Variants in CCDC178 observed in about 807,000 individuals in gnomAD.
The protein encoded by CCDC178 is coiled-coil domain containing 178.
A neutral mutation model predicts 117.4 loss-of-function variants in CCDC178; 126 were observed. The ratio of observed to expected loss-of-function variants is 1.07; its 90% CI spans 0.93 to 1.24. CCDC178 has a LOEUF of 1.24. Among genes scored for constraint, CCDC178 ranks in the 50% most tolerant of loss-of-function variants. The pLI, the probability that CCDC178 is intolerant of heterozygous loss-of-function variation, is 0.00. For missense variants in CCDC178, 1,030 were observed against 986.9 expected, an observed-to-expected ratio of 1.04 and a Z score of -0.59; for synonymous variants, 283 against 313.4, an observed-to-expected ratio of 0.90 and a Z score of 1.02.
intron 20 of CCDC178, among the ~76,000 whole-genome samples, chr18:33,101,324 A>G (rs923808688): frequency 1.3e-4 from 20 of 151,584 alleles, no homozygotes; most frequent in Non-Finnish European, 2.9e-4. Flanking sequence ...TCACGGCATC[A>G]TGTGAAAGGC....
At chr18:33,368,298 A>T (rs2063245039) in intron 6 of CCDC178, among the ~76,000 whole-genome samples, 1 of 151,974 alleles carries the variant, frequency 6.6e-6, no homozygotes, top group Admixed American at 6.6e-5. Flanking sequence ...GGTGCCTCAG[A>T]TGTATGCAGA....
At chr18:33,266,615 G>A (rs1305964906) in intron 14 of CCDC178, among the ~76,000 whole-genome samples, 3 of 144,610 alleles carry the variant, frequency 2.1e-5, no homozygotes, top group Admixed American at 7.0e-5. Context: ...CACAGGAAGG[G>A]GAACATCACA....
At chr18:32,956,856 T>G (rs1373222714) in intron 22 of CCDC178, 1 of 152,184 alleles carries the variant, frequency 6.6e-6, no homozygotes, top group Non-Finnish European at 1.5e-5. Context: ...AGAACTGTTT[T>G]TTCCATCTGA....
chr18:32,963,773 CT>C (rs892268590), intron 22 of CCDC178, among the ~76,000 whole-genome samples: 2 of 152,012 alleles, frequency 1.3e-5, no homozygotes, highest in African/African-American at 4.8e-5. Flanking sequence ...TGTCTACCTC[CT>C]CTATGAGATT....
chr18:33,117,118 G>A (rs2057868275), intron 20 of CCDC178, among the ~76,000 whole-genome samples: 1 of 152,096 alleles, frequency 6.6e-6, no homozygotes, highest in African/African-American at 2.4e-5. Flanking sequence ...GTCTGGGGAA[G>A]ACAAATATGT....
chr18:32,970,204 C>A (rs972161822), intron 22 of CCDC178, among the ~76,000 whole-genome samples: 4 of 151,884 alleles, frequency 2.6e-5, no homozygotes, highest in African/African-American at 9.7e-5. Context: ...TCTGCTTGAT[C>A]ATGTAATTCA....
At chr18:33,116,166 C>G in intron 20 of CCDC178, among the ~76,000 whole-genome samples, 1 of 152,014 alleles carries the variant, frequency 6.6e-6, no homozygotes, top group East Asian at 1.9e-4. Context: ...TGAGCTACTA[C>G]AGAGGGGGCT....
intron 12 of CCDC178, among the ~76,000 whole-genome samples, chr18:33,279,525 T>G (rs544326738): frequency 6.6e-6 from 1 of 152,130 alleles, no homozygotes; most frequent in African/African-American, 2.4e-5. Context: ...TGACCATACT[T>G]CCCAAGGTAA....
chr18:32,962,074 T>C (rs1203848009), intron 22 of CCDC178, among the ~76,000 whole-genome samples: 2 of 151,932 alleles, frequency 1.3e-5, no homozygotes, highest in Non-Finnish European at 1.5e-5. Flanking sequence ...GTGATATCAC[T>C]TTTCATTTTT....
intron 6 of CCDC178, among the ~76,000 whole-genome samples, chr18:33,368,289 G>C (rs909417731): frequency 3.3e-5 from 5 of 151,916 alleles, no homozygotes; most frequent in African/African-American, 1.2e-4. Flanking sequence ...GAGTGGATAG[G>C]TGCCTCAGAT....
At chr18:33,049,314 G>A (rs1413787664) in intron 21 of CCDC178, among the ~76,000 whole-genome samples, 1 of 151,882 alleles carries the variant, frequency 6.6e-6, no homozygotes, top group Non-Finnish European at 1.5e-5. Flanking sequence ...ATAACTCAAG[G>A]ATAAGTTCTA....
intron 22 of CCDC178, among the ~76,000 whole-genome samples, chr18:32,939,863 TTA>T (rs1227981563): frequency 2.0e-5 from 3 of 152,148 alleles, no homozygotes; most frequent in Non-Finnish European, 4.4e-5. Flanking sequence ...ACACACTCCA[TTA>T]TAAATATATA....
chr18:33,159,398 T>G (rs1215985684), intron 20 of CCDC178, among the ~76,000 whole-genome samples: 1 of 152,130 alleles, frequency 6.6e-6, no homozygotes, highest in Non-Finnish European at 1.5e-5. Context: ...AATACAAATG[T>G]ATTCTCTTAC....
intron 13 of CCDC178, 52 bp from the exon 14 acceptor site, chr18:33,267,104 C>A (rs770586954): frequency 3.9e-6 from 6 of 1,532,804 alleles, no homozygotes; most frequent in Non-Finnish European, 5.3e-6. Flanking sequence ...TATCAAAAGG[C>A]AAAACCTATA....
intron 10 of CCDC178, among the ~76,000 whole-genome samples, chr18:33,329,866 GAATT>G (rs1387932476): frequency 1.3e-4 from 15 of 119,450 alleles, no homozygotes; most frequent in Non-Finnish European, 2.2e-4. Flanking sequence ...GAGAGTTGGA[GAATT>G]ATTAGAGTGT....
intron 3 of CCDC178, among the ~76,000 whole-genome samples, chr18:33,402,813 T>C (rs1022299523): frequency 1.3e-5 from 2 of 152,216 alleles, no homozygotes; most frequent in South Asian, 2.1e-4. Context: ...AGTCCTCCCA[T>C]CTCAGCCTCC....
At chr18:33,161,643 TAG>T (rs546656019) in intron 20 of CCDC178, among the ~76,000 whole-genome samples, 89 of 152,154 alleles carry the variant, frequency 5.8e-4, no homozygotes, top group Non-Finnish European at 7.1e-4. Flanking sequence ...CCTAAATGGA[TAG>T]AGTTATCCTA....
Position 33,196,484 on chromosome 18 carries a change from T to C in CCDC178, c.2238+15412A>G, listed in dbSNP as rs566693342. Among the ~76,000 whole-genome samples, 5 of 152,298 alleles carry C rather than the reference T, an allele frequency of 3.3e-5. No individual in the cohort carries two copies. In the East Asian group the frequency reaches 9.6e-4, roughly 29 times the overall value. On this transcript the variant is annotated intron_variant, in intron 20 of 22. Transcript: ENST00000383096. The stretch of plus-strand genomic sequence containing the variant: ...AAACTAATTATAGACAGCACTTTTC[T>C]GAATTTCGTGAGCTTTCTAGCAAAT...
At chr18:33,211,663 C>T (rs909230012) in intron 20 of CCDC178, among the ~76,000 whole-genome samples, 3 of 151,468 alleles carry the variant, frequency 2.0e-5, no homozygotes, top group South Asian at 2.1e-4. Context: ...AAATAAAGTA[C>T]GATAATAAAT....
Sources: gnomAD v4.1 joint callset for allele counts (sites outside exome capture counted in the v4.1 genomes callset) on GRCh38, gnomAD v4.1.1 for gene constraint, MANE v1.5 for transcripts, NCBI Gene and HGNC (gene_info 2026-07-23, HGNC 2026-07-21) for gene names.